ARHGAP15: variants seen among roughly 807,000 people sequenced by gnomAD.
ARHGAP15 encodes the protein Rho GTPase activating protein 15, also known as rho GTPase-activating protein 15.
A neutral mutation model predicts 63.7 loss-of-function variants in ARHGAP15; 51 were observed. The ratio of observed to expected loss-of-function variants is 0.80; its 90% CI spans 0.64 to 1.01. The LOEUF (loss-of-function observed/expected upper bound fraction) is 1.01, where lower values mean the gene tolerates loss of function less well. Ranked by LOEUF, ARHGAP15 falls within the 50% of genes least tolerant of loss-of-function variation. ARHGAP15 has a pLI of 0.00. For synonymous variants in ARHGAP15, 191 were observed against 193.8 expected (o/e 0.99, Z 0.12); for missense variants, 560 against 564.6 (o/e 0.99, Z 0.08).
At chr2:143,602,095 A>G (rs1697792144) in intron 11 of ARHGAP15, among the ~76,000 whole-genome samples, 1 of 152,188 alleles carries the variant, frequency 6.6e-6, no homozygotes, top group African/African-American at 2.4e-5. Context: ...AAAACAATAT[A>G]GGTGGAGGTT....
intron 8 of ARHGAP15, among the ~76,000 whole-genome samples, chr2:143,452,595 G>A (rs911671329): frequency 6.6e-6 from 1 of 151,426 alleles, no homozygotes; most frequent in Non-Finnish European, 1.5e-5. Context: ...AGATGCATGT[G>A]TAACTTTTTG....
At chr2:143,143,237 G>T (rs1208833241) in intron 1 of ARHGAP15, among the ~76,000 whole-genome samples, 1 of 152,046 alleles carries the variant, frequency 6.6e-6, no homozygotes, top group African/African-American at 2.4e-5. Context: ...CCTATATTAA[G>T]ATTCCTGAAA....
intron 13 of ARHGAP15, chr2:143,706,719 G>A (rs1279166525): frequency 6.6e-6 from 1 of 152,154 alleles, no homozygotes; most frequent in African/African-American, 2.4e-5. Context: ...ATCAAACTCA[G>A]GGTCAAGTTC....
intron 6 of ARHGAP15, among the ~76,000 whole-genome samples, chr2:143,408,327 AT>A (rs887770368): frequency 9.4e-5 from 14 of 149,620 alleles, no homozygotes; most frequent in East Asian, 3.9e-4. Flanking sequence ...TTTTTATATA[AT>A]TTTTTTATAT....
chr2:143,485,771 C>T (rs1434760522), intron 8 of ARHGAP15, among the ~76,000 whole-genome samples: 1 of 152,076 alleles, frequency 6.6e-6, no homozygotes, highest in Non-Finnish European at 1.5e-5. Context: ...GAATTGTCTA[C>T]CCTAATATGT....
intron 2 of ARHGAP15, among the ~76,000 whole-genome samples, chr2:143,178,848 T>C (rs1393761606): frequency 6.6e-6 from 1 of 152,254 alleles, no homozygotes; most frequent in Non-Finnish European, 1.5e-5. Flanking sequence ...TTAGATTAGA[T>C]GCAGATTGTA....
chr2:143,373,927 C>T (rs1278767201), intron 6 of ARHGAP15, among the ~76,000 whole-genome samples: 3 of 152,126 alleles, frequency 2.0e-5, no homozygotes, highest in Non-Finnish European at 4.4e-5. Context: ...ATCCCAAATA[C>T]ATGAAACATC....
chr2:143,447,698 C>A (rs1416679695), intron 8 of ARHGAP15, among the ~76,000 whole-genome samples: 24 of 152,318 alleles, frequency 1.6e-4, no homozygotes, highest in Non-Finnish European at 1.8e-4. Flanking sequence ...GAATTATTAG[C>A]TTGGCTCAAA....
chr2:143,243,632 T>A (rs1558836879), intron 5 of ARHGAP15, among the ~76,000 whole-genome samples: 1 of 152,162 alleles, frequency 6.6e-6, no homozygotes, highest in African/African-American at 2.4e-5. Flanking sequence ...ATCGGAAATA[T>A]GTTTTCTATT....
At chr2:143,247,331 C>T (rs1392402059) in intron 5 of ARHGAP15, 1 of 152,730 alleles carries the variant, frequency 6.5e-6, no homozygotes, top group South Asian at 2.1e-4. Flanking sequence ...GCTGTGGAGC[C>T]CGCTGCTGCT....
At chr2:143,740,159 G>T (rs1415399768) in intron 13 of ARHGAP15, among the ~76,000 whole-genome samples, 1 of 152,068 alleles carries the variant, frequency 6.6e-6, no homozygotes, top group Non-Finnish European at 1.5e-5. Context: ...GAGGAATTTT[G>T]CTGTCAGATA....
intron 10 of ARHGAP15, among the ~76,000 whole-genome samples, chr2:143,533,841 ATTTTAAAACT>A (rs1167874175): frequency 6.6e-6 from 1 of 152,220 alleles, no homozygotes; most frequent in African/African-American, 2.4e-5. Context: ...ATTAAGGTTT[ATTTTAAAACT>A]TAAGAGCAGA....
intron 5 of ARHGAP15, among the ~76,000 whole-genome samples, chr2:143,230,046 A>G (rs1331257863): frequency 6.6e-6 from 1 of 152,132 alleles, no homozygotes; most frequent in African/African-American, 2.4e-5. Context: ...AATCTTTTTA[A>G]GGAAAATAAA....
intron 6 of ARHGAP15, among the ~76,000 whole-genome samples, chr2:143,379,929 T>G (rs1686991658): frequency 1.3e-5 from 2 of 152,044 alleles, no homozygotes; most frequent in African/African-American, 4.8e-5. Flanking sequence ...TCCTCAAAAT[T>G]TGCAGTGGAA....
intron 5 of ARHGAP15, among the ~76,000 whole-genome samples, chr2:143,248,483 A>G (rs1321431118): frequency 1.3e-5 from 2 of 152,226 alleles, no homozygotes; most frequent in Non-Finnish European, 2.9e-5. Context: ...ATCATGGTTA[A>G]GAACAGTCTC....
chr2:143,322,925 T>A (rs992314217), intron 6 of ARHGAP15, among the ~76,000 whole-genome samples: 65 of 152,256 alleles, frequency 4.3e-4, no homozygotes, highest in Admixed American at 2.3e-3. Flanking sequence ...TTTGTACTTT[T>A]AATTATCAAC....
At chr2:143,336,230 G>A (rs1684766141) in intron 6 of ARHGAP15, among the ~76,000 whole-genome samples, 1 of 152,060 alleles carries the variant, frequency 6.6e-6, no homozygotes, top group South Asian at 2.1e-4. Flanking sequence ...CCTCCAGCTT[G>A]TAAATGTTAT....
chr2:143,636,436 T>A (rs1012258558), intron 12 of ARHGAP15, among the ~76,000 whole-genome samples: 1 of 152,132 alleles, frequency 6.6e-6, no homozygotes, highest in Non-Finnish European at 1.5e-5. Flanking sequence ...AGAAGAATGA[T>A]CCTGAACAAA....
intron 8 of ARHGAP15, among the ~76,000 whole-genome samples, chr2:143,477,668 A>G (rs756724423): frequency 4.6e-5 from 7 of 152,328 alleles, no homozygotes; most frequent in Admixed American, 1.3e-4. Flanking sequence ...AGCCTATATT[A>G]TTCAAAAAAG....
Sources: gnomAD v4.1 joint callset for allele counts (sites outside exome capture counted in the v4.1 genomes callset) on GRCh38, gnomAD v4.1.1 for gene constraint, MANE v1.5 for transcripts, NCBI Gene and HGNC (gene_info 2026-07-23, HGNC 2026-07-21) for gene names.